Variants in KIAA0825 observed in about 807,000 individuals in gnomAD.
KIAA0825 encodes KIAA0825.
A neutral mutation model predicts 147.6 loss-of-function variants in KIAA0825; 119 were observed. The observed-to-expected ratio is 0.81, with a 90% CI of 0.69 to 0.94. The LOEUF (loss-of-function observed/expected upper bound fraction) is 0.94. Among genes scored for constraint, KIAA0825 ranks in the 40% least tolerant of loss-of-function variants. The probability of loss-of-function intolerance (pLI) is 0.00; values close to 1 mark genes in which losing one functional copy is unlikely to be tolerated. For synonymous variants in KIAA0825, 470 were observed against 518.1 expected, an observed-to-expected ratio of 0.91 and a Z score of 1.26; for missense variants, 1,381 against 1,472.7, an observed-to-expected ratio of 0.94 and a Z score of 1.02.
chr5:94,405,942 T>C (rs1752002569), intron 15 of KIAA0825, among the ~76,000 whole-genome samples: 1 of 152,106 alleles, frequency 6.6e-6, no homozygotes, highest in Admixed American at 6.6e-5. Flanking sequence ...TTTTATTTTT[T>C]TTTGAGATGG....
At chr5:94,598,133 T>G (rs1390406523) in intron 1 of KIAA0825, among the ~76,000 whole-genome samples, 3 of 152,068 alleles carry the variant, frequency 2.0e-5, no homozygotes, top group African/African-American at 7.2e-5. Context: ...TTTTTTACTT[T>G]ATAAACTTAA....
At chr5:94,564,383 T>TG (rs1778172614) in intron 2 of KIAA0825, among the ~76,000 whole-genome samples, 3 of 125,732 alleles carry the variant, frequency 2.4e-5, no homozygotes, top group Admixed American at 2.3e-4. Flanking sequence ...AATTTTTGAA[T>TG]TTGTGTGTGT....
Position 94,412,549 on chromosome 5 carries a change from C to T in KIAA0825, c.2662+4652G>A, listed in dbSNP as rs139051575. 5.4e-3 allele frequency among the ~76,000 whole-genome samples: 814 copies of T among 151,452 alleles called. 2 individuals are homozygous for T. Among genetic ancestry groups the T allele is most frequent in the Non-Finnish European group, 9.7e-3 (655 of 67,784 alleles). Reference sequence around the variant, plus strand: ...CCGAGTAGCTGGGATTACAGGCACGCGCCACCACACCCAGCTAATTTTTGT... The same window carrying T: ...CCGAGTAGCTGGGATTACAGGCACGTGCCACCACACCCAGCTAATTTTTGT... On this transcript the variant is annotated intron_variant, in intron 15 of 20. Coordinates refer to ENST00000682413, the MANE Select transcript of KIAA0825 (RefSeq NM_001145678.3).
chr5:94,594,782 C>A, intron 1 of KIAA0825: 1 of 561,212 alleles, frequency 1.8e-6, no homozygotes, highest in Non-Finnish European at 3.4e-6. Flanking sequence ...TTAGAGAAGT[C>A]GAATCATGAT....
intron 20 of KIAA0825, among the ~76,000 whole-genome samples, chr5:94,163,987 A>G (rs1767802476): frequency 6.6e-6 from 1 of 152,198 alleles, no homozygotes; most frequent in Non-Finnish European, 1.5e-5. Context: ...TGTATAGCTT[A>G]TGTTTTGAGA....
At chr5:94,322,953 C>T (rs1780334340) in intron 20 of KIAA0825, among the ~76,000 whole-genome samples, 3 of 151,400 alleles carry the variant, frequency 2.0e-5, no homozygotes, top group South Asian at 4.2e-4. Context: ...AAATTAAGCT[C>T]CTGATTTCTT....
intron 20 of KIAA0825, among the ~76,000 whole-genome samples, chr5:94,265,413 G>A (rs1776699481): frequency 1.3e-5 from 2 of 152,300 alleles, no homozygotes; most frequent in South Asian, 4.1e-4. Flanking sequence ...CCAATGGTAA[G>A]TAAAATCGCT....
At chr5:94,224,007 T>C (rs1773909328) in intron 20 of KIAA0825, among the ~76,000 whole-genome samples, 1 of 151,820 alleles carries the variant, frequency 6.6e-6, no homozygotes, top group African/African-American at 2.4e-5. Context: ...TAATTCATGG[T>C]TAATTATTCA....
At chr5:94,476,831 C>T (rs1256768137) in intron 7 of KIAA0825, among the ~76,000 whole-genome samples, 14 of 151,950 alleles carry the variant, frequency 9.2e-5, no homozygotes, top group Admixed American at 9.2e-4. Context: ...TTATCTATAG[C>T]CCACATCCTC....
At chr5:94,440,954 C>CA (rs1757004470) in intron 13 of KIAA0825, among the ~76,000 whole-genome samples, 1 of 152,014 alleles carries the variant, frequency 6.6e-6, no homozygotes, top group Non-Finnish European at 1.5e-5. Flanking sequence ...TAGTTAAACT[C>CA]AATCTGGTGA....
intron 20 of KIAA0825, among the ~76,000 whole-genome samples, chr5:94,203,472 C>T (rs1771879490): frequency 6.6e-6 from 1 of 152,122 alleles, no homozygotes; most frequent in Non-Finnish European, 1.5e-5. Flanking sequence ...ATATAGCCCT[C>T]ACTGTGAATG....
At chr5:94,311,749 A>G (rs1192999695) in intron 20 of KIAA0825, among the ~76,000 whole-genome samples, 3 of 151,728 alleles carry the variant, frequency 2.0e-5, no homozygotes, top group South Asian at 2.1e-4. Context: ...CCAATCCAAC[A>G]TCACTCACTT....
chr5:94,561,650 TTAAA>T (rs1175153961), intron 2 of KIAA0825, among the ~76,000 whole-genome samples: 1 of 152,224 alleles, frequency 6.6e-6, no homozygotes, highest in Non-Finnish European at 1.5e-5. Flanking sequence ...ACTACTCTGC[TTAAA>T]TAAATAAACA....
In KIAA0825 at chr5:94,306,395, G is replaced by C. The variant is rs560762631; in HGVS notation, c.3710+77973C>G. ...GATATGCCCTCATCATTTAAAAATT[G>C]ACAAAATGATTTAGTATAATGAACT... On this transcript the variant is annotated intron_variant, in intron 20 of 20. Coordinates refer to ENST00000682413, the MANE Select transcript of KIAA0825 (RefSeq NM_001145678.3). Among the ~76,000 whole-genome samples the C allele has an allele frequency of 1.1e-4, 17 of 151,868 alleles. No homozygotes were observed. In the South Asian group the frequency reaches 3.3e-3, roughly 30 times the overall value.
intron 20 of KIAA0825, among the ~76,000 whole-genome samples, chr5:94,301,278 A>G (rs182858429): frequency 1.3e-3 from 191 of 152,168 alleles, no homozygotes; most frequent in African/African-American, 4.4e-3. Flanking sequence ...CCCCCAACTT[A>G]GTGTCACACA....
At position 94,464,933 on chromosome 5, in the gene KIAA0825, A is replaced by C. The variant is rs1381183123; in HGVS notation, c.1999T>G (p.Leu667Val). 1 of 1,551,708 alleles carries C rather than the reference A, an allele frequency of 6.4e-7. No individual in the cohort carries two copies. The highest frequency in any genetic ancestry group is 8.7e-7 in the Non-Finnish European group (1 of 1,146,976). ...EILVEVLEKS[L>V]SLLASRYARA... ...GCGTATCTGGAGGCCAGTAGACTCA[A>C]AGATTTCTCCAGCACTTCCACTAGA... Residue 667 changes from leucine to valine, a missense_variant, in exon 11 of 21, where the codon TTG becomes GTG. Leu to Val is a conservative substitution (Grantham distance 32). Coordinates refer to ENST00000682413, the MANE Select transcript of KIAA0825 (RefSeq NM_001145678.3).
At chr5:94,609,362 T>C (rs1336788447) in intron 1 of KIAA0825, among the ~76,000 whole-genome samples, 1 of 151,942 alleles carries the variant, frequency 6.6e-6, no homozygotes, top group East Asian at 1.9e-4. Context: ...AAAATATAGC[T>C]TTTTTTTAAA....
chr5:94,474,671 C>CAATCACAGG (rs1305822942), intron 7 of KIAA0825, among the ~76,000 whole-genome samples: 1 of 152,052 alleles, frequency 6.6e-6, no homozygotes, highest in Non-Finnish European at 1.5e-5. Flanking sequence ...TATATGATTC[C>CAATCACAGG]ATGACTCTAT....
intron 13 of KIAA0825, among the ~76,000 whole-genome samples, chr5:94,445,158 A>G (rs769666647): frequency 2.6e-5 from 4 of 152,134 alleles, no homozygotes; most frequent in Non-Finnish European, 4.4e-5. Context: ...ATATTGACCT[A>G]TTACAGGGAG....
Sources: gnomAD v4.1 joint callset for allele counts (sites outside exome capture counted in the v4.1 genomes callset) on GRCh38, gnomAD v4.1.1 for gene constraint, MANE v1.5 for transcripts, NCBI Gene and HGNC (gene_info 2026-07-23, HGNC 2026-07-21) for gene names.